The following FBXL18 variants were observed in gnomAD, a reference collection of about 807,000 sequenced individuals.
FBXL18 encodes F-box/LRR-repeat protein 18.
A neutral mutation model predicts 46.0 loss-of-function variants in FBXL18; 36 were observed. That is an observed-to-expected ratio of 0.78 (90% CI 0.60 to 1.03). The LOEUF (loss-of-function observed/expected upper bound fraction) is 1.03. Among genes scored for constraint, FBXL18 ranks in the 50% least tolerant of loss-of-function variants. The pLI, the probability that FBXL18 is intolerant of heterozygous loss-of-function variation, is 0.00. For synonymous variants in FBXL18, 557 were observed against 465.3 expected (o/e 1.20, Z -2.54); for missense variants, 977 against 1,004.1 (o/e 0.97, Z 0.36).
chr7:5,502,117 T>G, intron 2 of FBXL18, 86 bp from the exon 3 acceptor site: 1 of 892,182 alleles, frequency 1.1e-6, no homozygotes, highest in Non-Finnish European at 1.7e-6. Flanking sequence ...ACACTCCCCC[T>G]TGCAGCAGCT....
Position 5,501,840 on chromosome 7 carries a change from C to T in FBXL18, c.429G>A (p.Leu143=), listed in dbSNP as rs1382118147. ...SLRLSKMLSA[L]QHLRSLAIDV... is the part of the protein sequence containing the mutation. The stretch of plus-strand genomic sequence containing the variant: ...CGATGGCCAGCGAGCGCAGGTGCTG[C>T]AGGGCCGAGAGCATCTTGGAGAGGC... The change falls in exon 3 of 5, where the codon CTG becomes CTA. Residue 143 remains leucine, a synonymous_variant. Coordinates refer to ENST00000382368, the MANE Select transcript of FBXL18 (RefSeq NM_024963.6). 1 of 1,596,660 alleles carries T rather than the reference C, an allele frequency of 6.3e-7. No individual in the cohort carries two copies. The highest frequency in any genetic ancestry group is 1.8e-5 in the Admixed American group (1 of 56,680).
chr7:5,505,986 T>A (rs1784385424), intron 1 of FBXL18, among the ~76,000 whole-genome samples: 1 of 152,102 alleles, frequency 6.6e-6, no homozygotes, highest in Non-Finnish European at 1.5e-5. Context: ...TGCCTCAGCC[T>A]CCCAAGCAGC....
At chr7:5,471,556 G>A (rs1783427768), downstream of FBXL18, among the ~76,000 whole-genome samples, 2 of 151,316 alleles carry the variant, frequency 1.3e-5, no homozygotes, top group South Asian at 4.2e-4. Context: ...GACTACAGGA[G>A]CCCGCCATCA....
At chr7:5,486,835 A>G (rs1003243072) in intron 4 of FBXL18, among the ~76,000 whole-genome samples, 1 of 152,200 alleles carries the variant, frequency 6.6e-6, no homozygotes, top group East Asian at 1.9e-4. Flanking sequence ...TGAGACACAG[A>G]GAGACGGTTG....
chr7:5,491,067 C>A (rs1383858285), intron 4 of FBXL18, among the ~76,000 whole-genome samples, 164 bp downstream of exon 4: 1 of 152,226 alleles, frequency 6.6e-6, no homozygotes, highest in Admixed American at 6.5e-5. Context: ...GGAGCAGAGG[C>A]TGGGCCGTGG....
At chr7:5,454,828 C>T (rs1401371500) in intron 4 of FBXL18, among the ~76,000 whole-genome samples, 9 of 152,212 alleles carry the variant, frequency 5.9e-5, no homozygotes, top group South Asian at 2.1e-4. Context: ...GGGCATAAGA[C>T]GCCTCCCCCA....
rs200686087 is a variant in FBXL18, at chr7:5,481,922, G to A, written c.2010C>T (p.Ala670=). The A allele has an allele frequency of 2.4e-4, 392 of 1,605,414 alleles. 2 individuals are homozygous for A. In the East Asian group the frequency reaches 6.4e-3, roughly 26 times the overall value. Residue 670 remains alanine (A), a synonymous_variant, in exon 5 of 5, where the codon GCC becomes GCT. Transcript: ENST00000382368. The part of the protein sequence containing the change: ...LQQSLLRSFQ[A]ERPALNVVIF... ...TGACGACGTTTAACGCGGGCCGCTCGGCCTGGAAGCTGAACCAGAGACAGG... is the reference window on the plus strand; with the variant it reads ...TGACGACGTTTAACGCGGGCCGCTCAGCCTGGAAGCTGAACCAGAGACAGG...
intron 1 of FBXL18, among the ~76,000 whole-genome samples, chr7:5,512,941 G>A (rs1466220246): frequency 6.6e-6 from 1 of 152,094 alleles, no homozygotes; most frequent in Non-Finnish European, 1.5e-5. Context: ...TCCTAAATCT[G>A]CGAAGTGCAC....
At chr7:5,464,290 T>G (rs1217662008) in intron 4 of FBXL18, among the ~76,000 whole-genome samples, 1 of 151,238 alleles carries the variant, frequency 6.6e-6, no homozygotes, top group African/African-American at 2.4e-5. Context: ...ACCAGCCTGG[T>G]CAACATGACA....
chr7:5,502,947 ACT>A (rs1243942340), intron 2 of FBXL18, among the ~76,000 whole-genome samples: 1 of 152,152 alleles, frequency 6.6e-6, no homozygotes, highest in Non-Finnish European at 1.5e-5. Flanking sequence ...GAAAACTGAG[ACT>A]CAGCCTCCCT....
chr7:5,502,142 G>A, intron 2 of FBXL18, 111 bp from the exon 3 acceptor site: 1 of 797,954 alleles, frequency 1.3e-6, no homozygotes, highest in Admixed American at 2.7e-5. Context: ...CACCGGGAGG[G>A]AAGCTCCCCA....
intron 3 of FBXL18, chr7:5,495,728 C>T: frequency 2.2e-6 from 1 of 458,928 alleles, no homozygotes; most frequent in Non-Finnish European, 4.5e-6. Flanking sequence ...CTCTGCACAG[C>T]TCCTGCCCAC....
chr7:5,492,636 AGAG>A (rs1241858131), intron 3 of FBXL18, among the ~76,000 whole-genome samples: 2 of 152,046 alleles, frequency 1.3e-5, no homozygotes, highest in Non-Finnish European at 1.5e-5. Context: ...AAGGGAGTTA[AGAG>A]GAGGATGCAT....
At chr7:5,469,964 G>C (rs1221444302) in intron 4 of FBXL18, among the ~76,000 whole-genome samples, 1 of 152,136 alleles carries the variant, frequency 6.6e-6, no homozygotes, top group Non-Finnish European at 1.5e-5. Flanking sequence ...GAATGTCAGA[G>C]TGTGGGATGT....
chr7:5,472,027 G>A (rs983846401), downstream of FBXL18, among the ~76,000 whole-genome samples: 1 of 152,184 alleles, frequency 6.6e-6, no homozygotes, highest in Non-Finnish European at 1.5e-5. Flanking sequence ...GGTCGAGGCT[G>A]CAGTGAAGCA....
At position 5,478,909 on chromosome 7, in the gene FBXL18, G is replaced by T. The variant is rs1783579588; in HGVS notation, c.*2866C>A. On this transcript the variant is annotated 3_prime_UTR_variant, in exon 5 of 5. Transcript: ENST00000382368. ...GACAAGTGCTGACCACGCTCCTCCAGCAGGCAGCATATGGTCTGCTGCTTA... is the reference window on the plus strand; with the variant it reads ...GACAAGTGCTGACCACGCTCCTCCATCAGGCAGCATATGGTCTGCTGCTTA... The T allele has an allele frequency of 6.6e-6, 1 of 152,304 alleles. No homozygotes were observed. Among genetic ancestry groups the T allele is most frequent in the South Asian group, 2.1e-4 (1 of 4,840 alleles). The allele number at this position is 152,304 out of a possible 1,614,324, so 9.4% of individuals were successfully genotyped here.
At chr7:5,458,235 G>T (rs751050513) in intron 4 of FBXL18, among the ~76,000 whole-genome samples, 1 of 152,114 alleles carries the variant, frequency 6.6e-6, no homozygotes, top group Non-Finnish European at 1.5e-5. Flanking sequence ...CACACTGTCC[G>T]TCAATAAAAC....
chr7:5,490,031 A>AG, intron 4 of FBXL18: 2 of 1,327,926 alleles, frequency 1.5e-6, no homozygotes, highest in Non-Finnish European at 2.0e-6. Flanking sequence ...ACAACCAGAG[A>AG]GGGGGAAACC....
intron 1 of FBXL18, among the ~76,000 whole-genome samples, chr7:5,512,860 G>A (rs1240924491): frequency 6.6e-6 from 1 of 152,158 alleles, no homozygotes; most frequent in Non-Finnish European, 1.5e-5. Flanking sequence ...GCCATCTCCA[G>A]AGACCCTGCC....
Sources: gnomAD v4.1 joint callset for allele counts (sites outside exome capture counted in the v4.1 genomes callset) on GRCh38, gnomAD v4.1.1 for gene constraint, MANE v1.5 for transcripts, NCBI Gene and HGNC (gene_info 2026-07-23, HGNC 2026-07-21) for gene names.